Variants in USP48 observed in about 807,000 individuals in gnomAD.
USP48 encodes ubiquitin specific peptidase 48.
A neutral mutation model predicts 150.7 loss-of-function variants in USP48; 43 were observed. That is an observed-to-expected ratio of 0.29 (90% CI 0.22 to 0.37). The LOEUF is 0.37. Among genes scored for constraint, USP48 ranks in the 10% least tolerant of loss-of-function variants. The pLI is 1.00. For missense variants in USP48, 813 were observed against 1,249.6 expected (o/e 0.65, Z 5.27); for synonymous variants, 396 against 425.9 (o/e 0.93, Z 0.86).
chr1:21,761,480 G>T (rs968444648), intron 1 of USP48, among the ~76,000 whole-genome samples: 1 of 152,012 alleles, frequency 6.6e-6, no homozygotes, highest in Non-Finnish European at 1.5e-5. Context: ...TGTTGCCCCA[G>T]GCTGACCCCA....
At chr1:21,751,673 A>G (rs1223778219) in intron 5 of USP48, 58 bp from the exon 6 acceptor site, 1 of 1,258,818 alleles carries the variant, frequency 7.9e-7, no homozygotes, top group Non-Finnish European at 1.2e-6. Flanking sequence ...ACAAAGTTAT[A>G]TTGTATTACA....
rs1336791326 is a variant in USP48, at chr1:21,753,180, T to C, written c.413-61A>G. ...AGGTGCTACTTTTCTTTCCAAAAAA[T>C]GGTACTTCCTCTTCACATGAGAACA... On this transcript the variant is annotated intron_variant, in intron 3 of 26. Coordinates refer to ENST00000308271, the MANE Select transcript of USP48 (RefSeq NM_032236.8). 10 of 1,520,360 alleles carry C rather than the reference T, an allele frequency of 6.6e-6. 1 individual carries two copies. The highest frequency in any genetic ancestry group is 6.2e-6 in the Non-Finnish European group (7 of 1,127,622). The allele number at this position is 1,520,360 out of a possible 1,614,324, so 94.2% of individuals were successfully genotyped here.
In USP48 at chr1:21,783,071, T is replaced by C; in HGVS notation, c.-114A>G. 4 of 1,367,844 alleles carry C rather than the reference T, an allele frequency of 2.9e-6. No individual in the cohort carries two copies. The highest frequency in any genetic ancestry group is 3.8e-6 in the Non-Finnish European group (4 of 1,061,016). The allele number at this position is 1,367,844 out of a possible 1,614,324, so 84.7% of individuals were successfully genotyped here. The stretch of plus-strand genomic sequence containing the variant: ...CCAGCAAGGAGGACCTGGCGCTCCT[T>C]CAGGCAGCTGGCCAGTCAATCACCT... On this transcript the variant is annotated 5_prime_UTR_variant, in exon 1 of 27. Coordinates refer to ENST00000308271, the MANE Select transcript of USP48 (RefSeq NM_032236.8).
chr1:21,713,916 C>T (rs1342538001), intron 15 of USP48, among the ~76,000 whole-genome samples: 1 of 152,172 alleles, frequency 6.6e-6, no homozygotes, highest in African/African-American at 2.4e-5. Context: ...CCCAAACACA[C>T]ACCCCAGGAT....
rs1242300432 is a variant in USP48, at chr1:21,783,125, G to A, written c.-168C>T. The A allele has an allele frequency of 1.7e-5, 18 of 1,072,018 alleles. No homozygotes were observed. The highest frequency in any genetic ancestry group is 1.8e-5 in the Non-Finnish European group (15 of 816,762). The allele number at this position is 1,072,018 out of a possible 1,614,324, so 66.4% of individuals were successfully genotyped here. A position where few individuals can be genotyped will look rare whatever the true frequency, so the allele number is the denominator to read the frequency against. On this transcript the variant is annotated 5_prime_UTR_variant, in exon 1 of 27. Transcript: ENST00000308271. The stretch of plus-strand genomic sequence containing the variant: ...CGCGCCACTGCCGCCGCGCCCGCCC[G>A]CGCCCGACCCGCACGACCGGCCGCA...
chr1:21,742,361 T>C (rs1160436981), intron 8 of USP48, among the ~76,000 whole-genome samples: 4 of 152,080 alleles, frequency 2.6e-5, no homozygotes, highest in East Asian at 3.9e-4. Flanking sequence ...CTGGCCAACA[T>C]GGTGAAACCT....
chr1:21,762,369 C>T (rs1019520366), intron 1 of USP48, among the ~76,000 whole-genome samples: 5 of 152,068 alleles, frequency 3.3e-5, no homozygotes, highest in Admixed American at 2.6e-4. Flanking sequence ...AAGGTTCTTT[C>T]GAAAGAAAAT....
At chr1:21,699,192 A>ATTTTT (rs71016932) in intron 22 of USP48, among the ~76,000 whole-genome samples, 1 of 63,610 alleles carries the variant, frequency 1.6e-5, no homozygotes. Flanking sequence ...ACCACACCTA[A>ATTTTT]TTTTTTTTTT....
At chr1:21,736,005 G>T (rs1253423124) in intron 9 of USP48, among the ~76,000 whole-genome samples, 4 of 152,156 alleles carry the variant, frequency 2.6e-5, no homozygotes, top group Non-Finnish European at 5.9e-5. Flanking sequence ...AACCCAGGAG[G>T]CAGAGGTTGC....
At chr1:21,762,661 T>C (rs1011156197) in intron 1 of USP48, among the ~76,000 whole-genome samples, 1 of 151,028 alleles carries the variant, frequency 6.6e-6, no homozygotes, top group African/African-American at 2.4e-5. Context: ...AGGTCAGGGG[T>C]TTGAGACCAG....
chr1:21,721,760 T>C lies in USP48; in HGVS notation c.1653A>G (p.Lys551=). The part of the protein sequence containing the change: ...RYGGGPRLTV[K]ALCKECVVER... Reference sequence around the variant, plus strand: ...CTACTACACATTCCTTACACAGGGCTTTCACTACAGGCAAGAAAGAATGAA... The same window carrying C: ...CTACTACACATTCCTTACACAGGGCCTTCACTACAGGCAAGAAAGAATGAA... Residue 551 remains lysine (K), a synonymous_variant, in exon 13 of 27, where the codon AAA becomes AAG. Coordinates refer to ENST00000308271, the MANE Select transcript of USP48 (RefSeq NM_032236.8). The C allele has an allele frequency of 6.3e-7, 1 of 1,583,600 alleles. No individual in the cohort carries two copies. The highest frequency in any genetic ancestry group is 1.2e-5 in the South Asian group (1 of 86,784).
intron 1 of USP48, chr1:21,782,012 C>T (rs1171687930): frequency 1.3e-5 from 2 of 152,194 alleles, no homozygotes; most frequent in Non-Finnish European, 2.9e-5. Flanking sequence ...CCGGATCCCC[C>T]AGCGGAATGT....
chr1:21,753,814 G>A (rs1049258281), intron 3 of USP48, among the ~76,000 whole-genome samples: 2 of 133,050 alleles, frequency 1.5e-5, no homozygotes, highest in Admixed American at 8.0e-5. Context: ...ATGACAGAGC[G>A]AGACTCTTTA....
Position 21,706,771 on chromosome 1 carries a change from A to G in USP48, c.2061T>C (p.Ser687=). Residue 687 remains serine, a synonymous_variant, in exon 16 of 27, where the codon AGT becomes AGC. Coordinates refer to ENST00000308271, the MANE Select transcript of USP48 (RefSeq NM_032236.8). ...TGCACTGTGAACAGCACTCTTTGTA[A>G]CTTGGAAACTCAGGAGCCTTTGGAA... is the stretch of plus-strand genomic sequence containing the variant. ...QYFPKAPEFP[S]YKECCSQCKI... The G allele has an allele frequency of 4.3e-6, 7 of 1,612,858 alleles. No individual in the cohort carries two copies. The highest frequency in any genetic ancestry group is 5.9e-6 in the Non-Finnish European group (7 of 1,179,728).
rs747365693 is a variant in USP48 at position 21,703,566 on chromosome 1, C to G, written c.2568G>C (p.Leu856=). 3.1e-6 allele frequency: 5 copies of G among 1,612,220 alleles called. No individual in the cohort carries two copies. The highest frequency in any genetic ancestry group is 4.2e-6 in the Non-Finnish European group (5 of 1,179,946). The part of the protein sequence containing the change: ...EGLLCQQQRD[L]REYTQATIYV... Reference sequence around the variant, plus strand: ...AGATGGTGGCTTGAGTGTATTCACGCAGGTCCCTCTGCTGCTGACACAATA... The same window carrying G: ...AGATGGTGGCTTGAGTGTATTCACGGAGGTCCCTCTGCTGCTGACACAATA... The change falls in exon 21 of 27, where the codon CTG becomes CTC. Residue 856 remains leucine (L), a synonymous_variant. Coordinates refer to ENST00000308271, the MANE Select transcript of USP48 (RefSeq NM_032236.8).
rs2097563741 is a variant in USP48, at chr1:21,680,846, A to T, written c.3059-12T>A. 1 of 1,584,714 alleles carries T rather than the reference A, an allele frequency of 6.3e-7. No individual in the cohort carries two copies. Among genetic ancestry groups the T allele is most frequent in the African/African-American group, 1.4e-5 (1 of 72,788 alleles). On this transcript the variant is annotated splice_polypyrimidine_tract_variant and intron_variant, in intron 25 of 26. Coordinates refer to ENST00000308271, the MANE Select transcript of USP48 (RefSeq NM_032236.8). Reference sequence around the variant, plus strand: ...TTCTGGCATACAAACTGAAAAAAAGAAAAAAAGAAGAATTCCAAATTGAAA... The same window carrying T: ...TTCTGGCATACAAACTGAAAAAAAGTAAAAAAGAAGAATTCCAAATTGAAA...
At chr1:21,752,002 G>GC (rs2097816322) in intron 5 of USP48, among the ~76,000 whole-genome samples, 1 of 137,048 alleles carries the variant, frequency 7.3e-6, no homozygotes, top group African/African-American at 2.7e-5. Context: ...GGGCAACAGA[G>GC]CAAGAGTCCA....
chr1:21,732,231 A>T (rs1352670305), intron 9 of USP48, among the ~76,000 whole-genome samples: 1 of 151,894 alleles, frequency 6.6e-6, no homozygotes, highest in African/African-American at 2.4e-5. Flanking sequence ...GTGGGCCAAG[A>T]TAGCACCACT....
intron 23 of USP48, among the ~76,000 whole-genome samples, chr1:21,694,583 A>AAAAAAAAC (rs2097617190): frequency 8.3e-6 from 1 of 120,290 alleles, no homozygotes; most frequent in Non-Finnish European, 1.8e-5. Context: ...AAAAAAAAAA[A>AAAAAAAAC]AAAAAAAAAA....
Sources: gnomAD v4.1 joint callset for allele counts (sites outside exome capture counted in the v4.1 genomes callset) on GRCh38, gnomAD v4.1.1 for gene constraint, MANE v1.5 for transcripts, NCBI Gene and HGNC (gene_info 2026-07-23, HGNC 2026-07-21) for gene names.